PODN: variants seen among roughly 807,000 people sequenced by gnomAD.
PODN encodes podocan, also known as podocan proteoglycan.
A neutral mutation model predicts 52.7 loss-of-function variants in PODN; 40 were observed. That is an observed-to-expected ratio of 0.76 (90% CI 0.59 to 0.99). The LOEUF (loss-of-function observed/expected upper bound fraction) is 0.99, where lower values mean the gene tolerates loss of function less well. Among genes scored for constraint, PODN ranks in the 50% least tolerant of loss-of-function variants. PODN has a pLI of 0.00. For synonymous variants in PODN, 396 were observed against 377.9 expected (o/e 1.05, Z -0.56); for missense variants, 720 against 815.1 (o/e 0.88, Z 1.42).
intron 5 of PODN, among the ~76,000 whole-genome samples, chr1:53,076,312 G>A (rs564477305): frequency 6.6e-6 from 1 of 152,242 alleles, no homozygotes; most frequent in African/African-American, 2.4e-5. Context: ...AGAGCAGTGT[G>A]GTGCAGGCGG....
chr1:53,077,072 TACCC>T, intron 5 of PODN, 114 bp from the exon 6 acceptor site: 2 of 1,289,418 alleles, frequency 1.6e-6, no homozygotes, highest in Non-Finnish European at 2.2e-6. Flanking sequence ...TCTAACTCTG[TACCC>T]TTGAGTTTGG....
At position 53,077,663 on chromosome 1, in the gene PODN, T is replaced by A. The variant is rs571484200; in HGVS notation, c.739-22T>A. ...CCCTCGGCCCTCCCTCACAATCTCC[T>A]CCCTTCCCTTCCATCCCCCAGAACA... is the stretch of plus-strand genomic sequence containing the variant. On this transcript the variant is annotated intron_variant, in intron 6 of 10. Coordinates refer to ENST00000312553, the MANE Select transcript of PODN (RefSeq NM_153703.5). The A allele has an allele frequency of 1.8e-5, 29 of 1,598,678 alleles. No individual in the cohort carries two copies. The South Asian group carries it at 3.1e-4, about 17-fold the overall frequency.
intron 3 of PODN, among the ~76,000 whole-genome samples, chr1:53,072,101 T>A (rs1048046361): frequency 6.7e-5 from 10 of 148,898 alleles, no homozygotes; most frequent in African/African-American, 1.2e-4. Context: ...AATAAAATAA[T>A]ATAAAATAAA....
rs772466085 is a variant in PODN, at chr1:53,078,377, C to T, written c.867C>T (p.Ser289=). 1 of 1,610,290 alleles carries T rather than the reference C, an allele frequency of 6.2e-7. No homozygotes were observed. Among genetic ancestry groups the T allele is most frequent in the South Asian group, 1.1e-5 (1 of 91,022 alleles). ...CTCCCTGCCCCAGGAAGCTCTCCAG[C>T]CTGGAGTACCTGGATCTGTCCAGCA... ...LDNETFWKLS[S]LEYLDLSSNN... is the part of the protein sequence containing the mutation. Residue 289 remains serine (S), a synonymous_variant, in exon 8 of 11, where the codon AGC becomes AGT. Coordinates refer to ENST00000312553, the MANE Select transcript of PODN (RefSeq NM_153703.5).
chr1:53,077,794 C>A lies in PODN; in HGVS notation c.848C>A (p.Thr283Asn), dbSNP rs371289481. Residue 283 changes from threonine to asparagine, a missense_variant, in exon 7 of 11, where the codon ACC (threonine) becomes AAC (asparagine). Physicochemically the swap from Thr to Asn is moderately conservative, Grantham distance 65. Transcript: ENST00000312553. ...YLTDEGLDNETFWKLSSLEYL... is the reference protein window; with the variant it reads ...YLTDEGLDNENFWKLSSLEYL... ...ACTGACGAGGGCCTGGACAACGAGA[C>A]CTTCTGGTGAGTCCTTGTCTCACCA... The A allele has an allele frequency of 4.2e-5, 67 of 1,613,242 alleles. No individual in the cohort carries two copies. Among genetic ancestry groups the A allele is most frequent in the African/African-American group, 1.2e-4 (9 of 75,056 alleles).
At chr1:53,083,828 G>A (rs1208713152) in intron 10 of PODN, among the ~76,000 whole-genome samples, 1 of 152,152 alleles carries the variant, frequency 6.6e-6, no homozygotes, top group African/African-American at 2.4e-5. Context: ...AGGAGCGGCT[G>A]TGTGGTCGGA....
chr1:53,075,605 C>T (rs970058270), intron 4 of PODN, among the ~76,000 whole-genome samples: 28 of 152,330 alleles, frequency 1.8e-4, no homozygotes, highest in Admixed American at 1.4e-3. Flanking sequence ...CCCTTATCCA[C>T]GCGGGATGAA....
intron 3 of PODN, among the ~76,000 whole-genome samples, chr1:53,074,010 T>C (rs1412786458): frequency 6.6e-6 from 1 of 152,242 alleles, no homozygotes; most frequent in Non-Finnish European, 1.5e-5. Flanking sequence ...AGCAGGGTGT[T>C]CCATGGAGAG....
intron 1 of PODN, 85 bp from the exon 2 acceptor site, chr1:53,069,716 C>T: frequency 6.8e-7 from 1 of 1,478,514 alleles, no homozygotes; most frequent in Non-Finnish European, 9.0e-7. Flanking sequence ...GCTCTGAGGA[C>T]AGTCCAGAGT....
At chr1:53,071,821 G>T (rs1225272341) in intron 3 of PODN, among the ~76,000 whole-genome samples, 193 bp downstream of exon 3, 4 of 152,104 alleles carry the variant, frequency 2.6e-5, no homozygotes, top group African/African-American at 9.7e-5. Context: ...GCTCCCTATT[G>T]TTGCCTGAAC....
At chr1:53,071,723 C>T (rs561547353) in intron 3 of PODN, 95 bp downstream of exon 3, 90 of 1,246,102 alleles carry the variant, frequency 7.2e-5, no homozygotes, top group East Asian at 4.0e-4. Flanking sequence ...CTTGGCCCTG[C>T]GGATCTTGGG....
In PODN at chr1:53,078,707, CTT is replaced by C; in HGVS notation, c.1199_1200del (p.Phe400CysfsTer62). The stretch of plus-strand genomic sequence containing the variant: ...AGATCACAGGCATTGGCCGCGAAGA[CTT>C]TGCCACCACCTACTTCCTGGAGGAG... ...NQITGIGRED[F>X]ATTYFLEELN... is the part of the protein sequence containing the mutation. On this transcript the variant is annotated frameshift_variant, in exon 8 of 11. Coordinates refer to ENST00000312553, the MANE Select transcript of PODN (RefSeq NM_153703.5). LOFTEE classifies it high-confidence loss of function. 6.2e-7 allele frequency: 1 copy of C among 1,613,480 alleles called. No homozygotes were observed. Among genetic ancestry groups the C allele is most frequent in the African/African-American group, 1.3e-5 (1 of 75,072 alleles).
intron 10 of PODN, among the ~76,000 whole-genome samples, chr1:53,084,149 G>A (rs1408042190): frequency 1.3e-5 from 2 of 152,004 alleles, no homozygotes; most frequent in African/African-American, 4.8e-5. Context: ...AGGTAGAGCT[G>A]GTTCTCTGAG....
At chr1:53,080,911 G>T in intron 9 of PODN, 35 bp downstream of exon 9, 1 of 1,608,964 alleles carries the variant, frequency 6.2e-7, no homozygotes, top group South Asian at 1.1e-5. Context: ...ACACACCCCC[G>T]TGGGGCCCAC....
At position 53,078,486 on chromosome 1, in the gene PODN, G is replaced by A. The variant is rs773166744; in HGVS notation, c.976G>A (p.Ala326Thr). The A allele has an allele frequency of 5.0e-6, 8 of 1,613,224 alleles. No individual in the cohort carries two copies. In the South Asian group the frequency reaches 5.5e-5, roughly 11 times the overall value. Reference protein sequence around the residue: ...LEKNAIRSVDANVLTPIRSLE... With the variant: ...LEKNAIRSVDTNVLTPIRSLE... ...GAAGAACGCCATCCGGAGCGTGGACGCGAATGTGCTGACCCCCATCCGCAG... is the reference window on the plus strand; with the variant it reads ...GAAGAACGCCATCCGGAGCGTGGACACGAATGTGCTGACCCCCATCCGCAG... Residue 326 changes from alanine (A) to threonine (T), a missense_variant, in exon 8 of 11, where the codon GCG becomes ACG. By Grantham distance (58) the Ala-to-Thr change is moderately conservative. Coordinates refer to ENST00000312553, the MANE Select transcript of PODN (RefSeq NM_153703.5).
Position 53,078,786 on chromosome 1 carries a change from T to C in PODN, c.1276T>C (p.Phe426Leu). 1 of 1,613,238 alleles carries C rather than the reference T, an allele frequency of 6.2e-7. No homozygotes were observed. Among genetic ancestry groups the C allele is most frequent in the Non-Finnish European group, 8.5e-7 (1 of 1,179,924 alleles). ...CAGCCCGCAGGTGCACCGCGACGCC[T>C]TCCGCAAGCTGCGCCTGCTGCGCTC... The part of the protein sequence containing the change: ...ITSPQVHRDA[F>L]RKLRLLRSLD... The change falls in exon 8 of 11, where the codon TTC (phenylalanine) becomes CTC (leucine). Residue 426 changes from phenylalanine (F) to leucine (L), a missense_variant. Physicochemically the swap from Phe to Leu is conservative, Grantham distance 22 (BLOSUM62 0). Transcript: ENST00000312553.
rs368249028 is a variant in PODN at position 53,074,511 on chromosome 1, C to A, written c.407-95C>A. On this transcript the variant is annotated intron_variant, in intron 3 of 10. Transcript: ENST00000312553. ...CTGAGCTGCCTCTGCCTCCCTAGTC[C>A]TGGCAGGCGGGTGGGGGAGGAGGGT... 3.1e-6 allele frequency: 4 copies of A among 1,301,840 alleles called. No individual in the cohort carries two copies. The African/African-American group carries it at 6.1e-5, about 20-fold the overall frequency. 80.6% of individuals were successfully genotyped at this position (1,301,840 alleles called of 1,614,324 possible).
At chr1:53,078,325 T>C in intron 7 of PODN, 40 bp from the exon 8 acceptor site, 1 of 1,557,652 alleles carries the variant, frequency 6.4e-7, no homozygotes, top group African/African-American at 1.4e-5. Context: ...GAGCACAATG[T>C]GGGCTCTTGC....
intron 10 of PODN, among the ~76,000 whole-genome samples, chr1:53,083,990 G>A (rs1644328995): frequency 6.6e-6 from 1 of 152,170 alleles, no homozygotes; most frequent in African/African-American, 2.4e-5. Context: ...GGGCCACTTG[G>A]GTGGGTGACA....
Sources: allele counts gnomAD v4.1 joint callset (sites outside exome capture counted in the v4.1 genomes callset), GRCh38; gene constraint gnomAD v4.1.1; transcripts MANE v1.5; gene names NCBI Gene and HGNC (gene_info 2026-07-23, HGNC 2026-07-21).